Variants in LRP1B observed in about 807,000 individuals in gnomAD.
LRP1B encodes the protein low-density lipoprotein receptor-related protein 1B.
LRP1B carries 217 observed loss-of-function variants against 556.6 expected under a neutral mutation model. The ratio of observed to expected loss-of-function variants is 0.39; its 90% CI spans 0.35 to 0.44. The LOEUF (loss-of-function observed/expected upper bound fraction) is 0.44, where lower values mean the gene tolerates loss of function less well. LRP1B is among the 20% of genes least tolerant of loss of function. The pLI is 1.00. For synonymous variants in LRP1B, 2,047 were observed against 1,865.8 expected, an observed-to-expected ratio of 1.10 and a Z score of -2.50; for missense variants, 5,053 against 5,620.8, an observed-to-expected ratio of 0.90 and a Z score of 3.23.
chr2:142,122,945 C>A (rs181968402), intron 1 of LRP1B, among the ~76,000 whole-genome samples: 1 of 152,122 alleles, frequency 6.6e-6, no homozygotes, highest in Admixed American at 6.6e-5. Context: ...TCTATAATAT[C>A]TATTTTAGCA....
chr2:140,578,609 T>A (rs1681627424), intron 43 of LRP1B, among the ~76,000 whole-genome samples: 3 of 152,290 alleles, frequency 2.0e-5, no homozygotes, highest in Middle Eastern at 3.4e-3. Context: ...ACCTCAGTCA[T>A]CCTCTTGCTG....
At chr2:140,823,981 C>T (rs532856780) in intron 31 of LRP1B, among the ~76,000 whole-genome samples, 1 of 151,812 alleles carries the variant, frequency 6.6e-6, no homozygotes, top group Non-Finnish European at 1.5e-5. Flanking sequence ...AAAAAAATAG[C>T]TATTAAGTAC....
At chr2:141,271,544 A>G (rs920317804) in intron 3 of LRP1B, among the ~76,000 whole-genome samples, 1 of 152,020 alleles carries the variant, frequency 6.6e-6, no homozygotes, top group African/African-American at 2.4e-5. Context: ...CAGACTCGTT[A>G]TTGGAACCTA....
At chr2:141,365,655 C>CTTTTTTTTTTTTTTTTTGT (rs781538829) in intron 3 of LRP1B, among the ~76,000 whole-genome samples, 5 of 121,144 alleles carry the variant, frequency 4.1e-5, no homozygotes, top group African/African-American at 1.3e-4. Flanking sequence ...GTTTTTGTTG[C>CTTTTTTTTTTTTTTTTTGT]TTTTTTTTTT....
intron 41 of LRP1B, among the ~76,000 whole-genome samples, chr2:140,640,055 T>A (rs1033781095): frequency 1.1e-4 from 17 of 152,108 alleles, no homozygotes; most frequent in Non-Finnish European, 1.5e-5. Context: ...CAGGCTGGAG[T>A]GCAGTGGCAC....
intron 43 of LRP1B, 62 bp from the exon 44 acceptor site, chr2:140,542,033 C>T (rs2105021733): frequency 9.4e-7 from 1 of 1,069,512 alleles, no homozygotes; most frequent in South Asian, 2.4e-5. Context: ...ACGTCCACAC[C>T]TATTTTTGCT....
intron 1 of LRP1B, among the ~76,000 whole-genome samples, chr2:142,033,485 C>T (rs1703773852): frequency 6.6e-6 from 1 of 151,722 alleles, no homozygotes; most frequent in Admixed American, 6.6e-5. Context: ...CTATTCCTGA[C>T]TATCCCCCCA....
At chr2:141,544,411 CCTT>C (rs1424520493) in intron 2 of LRP1B, among the ~76,000 whole-genome samples, 1,707 of 79,196 alleles carry the variant, frequency 0.022, 176 homozygotes, top group South Asian at 0.032. Flanking sequence ...TCCTCCTCCT[CCTT>C]CTCCTCCTTC....
chr2:140,317,820 C>T (rs941139624), intron 82 of LRP1B, among the ~76,000 whole-genome samples: 3 of 151,972 alleles, frequency 2.0e-5, no homozygotes, highest in African/African-American at 4.8e-5. Flanking sequence ...AGGGCATGCG[C>T]GTTACTATAA....
intron 2 of LRP1B, among the ~76,000 whole-genome samples, chr2:141,802,691 G>A (rs1696047025): frequency 6.6e-6 from 1 of 152,064 alleles, no homozygotes; most frequent in Non-Finnish European, 1.5e-5. Flanking sequence ...GCTTCATTTA[G>A]CAAAATATGT....
At chr2:141,773,475 A>G (rs1479324034) in intron 2 of LRP1B, among the ~76,000 whole-genome samples, 1 of 152,230 alleles carries the variant, frequency 6.6e-6, no homozygotes, top group Non-Finnish European at 1.5e-5. Context: ...GGGGACCCCA[A>G]ATGAGGAAGA....
chr2:142,027,809 T>C (rs1489217346), intron 1 of LRP1B, among the ~76,000 whole-genome samples: 2 of 151,820 alleles, frequency 1.3e-5, no homozygotes, highest in African/African-American at 2.4e-5. Flanking sequence ...GACTTTGAAA[T>C]AGATACCAAG....
At chr2:140,387,122 G>A (rs16843886) in intron 66 of LRP1B, among the ~76,000 whole-genome samples, 19,968 of 152,004 alleles carry the variant, frequency 0.13, 1,383 homozygotes, top group African/African-American at 0.17. Context: ...TTTCCCTTTC[G>A]TGTACTTAGA....
At chr2:141,730,817 C>G (rs776683017) in intron 2 of LRP1B, among the ~76,000 whole-genome samples, 2 of 152,154 alleles carry the variant, frequency 1.3e-5, no homozygotes, top group Admixed American at 6.6e-5. Context: ...CCATACTCCC[C>G]ACCCTGAATA....
chr2:140,518,705 G>T (rs966901646), intron 49 of LRP1B, among the ~76,000 whole-genome samples: 3 of 152,074 alleles, frequency 2.0e-5, no homozygotes, highest in Admixed American at 1.3e-4. Flanking sequence ...ACTGTGAATG[G>T]GAGTTCACTC....
At chr2:141,098,577 A>G (rs867612320) in intron 7 of LRP1B, among the ~76,000 whole-genome samples, 10 of 152,332 alleles carry the variant, frequency 6.6e-5, no homozygotes, top group African/African-American at 2.4e-4. Flanking sequence ...AGCTTACATG[A>G]GGACCTCAGA....
chr2:141,184,748 TG>T (rs1366122182), intron 7 of LRP1B, among the ~76,000 whole-genome samples: 1 of 151,706 alleles, frequency 6.6e-6, no homozygotes, highest in Non-Finnish European at 1.5e-5. Flanking sequence ...AGTGCAGCGA[TG>T]GGTAAGAAAA....
chr2:140,576,293 G>A (rs1012434277), intron 43 of LRP1B, among the ~76,000 whole-genome samples: 2 of 152,174 alleles, frequency 1.3e-5, no homozygotes, highest in African/African-American at 4.8e-5. Context: ...ACTCTCAAAT[G>A]TGTTGACTCT....
intron 7 of LRP1B, among the ~76,000 whole-genome samples, chr2:141,166,443 A>C (rs781400926): frequency 9.5e-5 from 14 of 147,348 alleles, no homozygotes; most frequent in Non-Finnish European, 1.5e-4. Flanking sequence ...TACTTGAGAT[A>C]TTTTGATATA....
Sources: gnomAD v4.1 joint callset for allele counts (sites outside exome capture counted in the v4.1 genomes callset) on GRCh38, gnomAD v4.1.1 for gene constraint, MANE v1.5 for transcripts, NCBI Gene and HGNC (gene_info 2026-07-23, HGNC 2026-07-21) for gene names.